Variants in NXPH1 observed in about 807,000 individuals in gnomAD.
NXPH1 encodes neurexophilin-1.
NXPH1 carries 5 observed loss-of-function variants against 23.7 expected under a neutral mutation model. The observed-to-expected ratio is 0.21, with a 90% CI of 0.11 to 0.44. NXPH1 has a LOEUF of 0.44. Among genes scored for constraint, NXPH1 ranks in the 20% least tolerant of loss-of-function variants. NXPH1 has a pLI of 0.99. For missense variants in NXPH1, 324 were observed against 321.6 expected, an observed-to-expected ratio of 1.01 and a Z score of -0.06; for synonymous variants, 144 against 122.2, an observed-to-expected ratio of 1.18 and a Z score of -1.18.
At chr7:8,626,197 A>C (rs1204031541) in intron 2 of NXPH1, among the ~76,000 whole-genome samples, 2 of 152,188 alleles carry the variant, frequency 1.3e-5, no homozygotes, top group Non-Finnish European at 2.9e-5. Context: ...TTCTGAAAAA[A>C]AAAAGAACAT....
chr7:8,608,222 T>A (rs1234112241), intron 2 of NXPH1, among the ~76,000 whole-genome samples: 1 of 152,226 alleles, frequency 6.6e-6, no homozygotes, highest in Admixed American at 6.5e-5. Context: ...CATAATAGAT[T>A]AACTACTTAG....
rs1818861224 is a variant in NXPH1 at position 8,581,136 on chromosome 7, G to C, written c.54+145369G>C. Among the ~76,000 whole-genome samples the C allele has an allele frequency of 2.0e-5, 3 of 152,284 alleles. No individual in the cohort carries two copies. In the South Asian group the frequency reaches 6.2e-4, roughly 32 times the overall value. ...CAGGTTTATTGAAATTTTCCCCAGA[G>C]GGGTTAGGATGGAAGAGAAAGCCAT... On this transcript the variant is annotated intron_variant, in intron 2 of 2. Transcript: ENST00000405863.
chr7:8,522,486 G>A (rs780022464), intron 2 of NXPH1, among the ~76,000 whole-genome samples: 1 of 152,126 alleles, frequency 6.6e-6, no homozygotes, highest in Non-Finnish European at 1.5e-5. Flanking sequence ...TATTGAGTAT[G>A]CATTATTGAT....
intron 2 of NXPH1, among the ~76,000 whole-genome samples, chr7:8,470,856 G>A (rs777255869): frequency 5.9e-5 from 9 of 151,928 alleles, no homozygotes; most frequent in African/African-American, 9.7e-5. Flanking sequence ...ATGGCTCTGC[G>A]ATGATGAAAA....
intron 2 of NXPH1, among the ~76,000 whole-genome samples, chr7:8,504,854 T>C (rs2128613109): frequency 6.6e-6 from 1 of 152,184 alleles, no homozygotes; most frequent in Non-Finnish European, 1.5e-5. Context: ...AGGAAGCAGA[T>C]CCTCACCAGA....
intron 2 of NXPH1, among the ~76,000 whole-genome samples, chr7:8,573,701 G>T (rs985888877): frequency 9.9e-5 from 15 of 152,118 alleles, no homozygotes; most frequent in Non-Finnish European, 2.1e-4. Flanking sequence ...AGAATGCCAT[G>T]ACTTTAGAAC....
intron 2 of NXPH1, among the ~76,000 whole-genome samples, chr7:8,735,106 CT>C (rs1780226116): frequency 6.6e-6 from 1 of 152,170 alleles, no homozygotes; most frequent in African/African-American, 2.4e-5. Context: ...ATTTGACTTC[CT>C]CTCTTCCTAT....
intron 2 of NXPH1, among the ~76,000 whole-genome samples, chr7:8,527,389 T>A (rs1308641737): frequency 6.6e-6 from 1 of 152,176 alleles, no homozygotes; most frequent in African/African-American, 2.4e-5. Context: ...TAAATTGCTT[T>A]CAGAATCTTA....
At chr7:8,635,753 T>C (rs1820209743) in intron 2 of NXPH1, among the ~76,000 whole-genome samples, 1 of 152,226 alleles carries the variant, frequency 6.6e-6, no homozygotes. Context: ...CATTTACGTC[T>C]TTAACCAATG....
At chr7:8,538,886 T>C (rs1454543102) in intron 2 of NXPH1, among the ~76,000 whole-genome samples, 1 of 151,772 alleles carries the variant, frequency 6.6e-6, no homozygotes, top group Non-Finnish European at 1.5e-5. Context: ...TTTAAGAGGG[T>C]GGGCAGGAAA....
At chr7:8,520,028 T>C (rs1584207677) in intron 2 of NXPH1, among the ~76,000 whole-genome samples, 1 of 152,096 alleles carries the variant, frequency 6.6e-6, no homozygotes. Flanking sequence ...ATTATTTATA[T>C]AAAGATGATG....
chr7:8,580,068 C>T (rs544336127), intron 2 of NXPH1, among the ~76,000 whole-genome samples: 1 of 152,324 alleles, frequency 6.6e-6, no homozygotes, highest in African/African-American at 2.4e-5. Context: ...ATAAAATGGG[C>T]AGTGGCTGTT....
rs146976809 is a variant in NXPH1, at chr7:8,457,700, G to A, written c.54+21933G>A. Among the ~76,000 whole-genome samples the A allele has an allele frequency of 8.9e-4, 136 of 152,210 alleles. 3 individuals carry two copies. The East Asian group carries it at 0.023, about 26-fold the overall frequency. On this transcript the variant is annotated intron_variant, in intron 2 of 2. Transcript: ENST00000405863. ...GCATTCTCCTTGACTGGAGTGCTCAGTTCCTGGCTCACCTGAAATATTTGC... is the reference window on the plus strand; with the variant it reads ...GCATTCTCCTTGACTGGAGTGCTCAATTCCTGGCTCACCTGAAATATTTGC...
At chr7:8,613,771 T>C (rs1352187034) in intron 2 of NXPH1, among the ~76,000 whole-genome samples, 1 of 150,524 alleles carries the variant, frequency 6.6e-6, no homozygotes, top group Non-Finnish European at 1.5e-5. Context: ...CTATAGGGAT[T>C]TTATTTTTAA....
chr7:8,737,974 C>G (rs914346243), intron 2 of NXPH1, among the ~76,000 whole-genome samples: 1 of 152,214 alleles, frequency 6.6e-6, no homozygotes, highest in Non-Finnish European at 1.5e-5. Context: ...CTGTGTTTTT[C>G]AGCTCCATCA....
chr7:8,663,412 C>G (rs1380837030), intron 2 of NXPH1, among the ~76,000 whole-genome samples: 1 of 152,022 alleles, frequency 6.6e-6, no homozygotes, highest in Non-Finnish European at 1.5e-5. Flanking sequence ...TGCCTAGCCC[C>G]ATTGTAGATT....
chr7:8,703,176 A>G (rs998917787), intron 2 of NXPH1, among the ~76,000 whole-genome samples: 3 of 152,104 alleles, frequency 2.0e-5, no homozygotes, highest in Admixed American at 6.6e-5. Context: ...AGCTACCAGC[A>G]TCCACAAAGC....
chr7:8,500,370 AGGATGAT>A (rs1817411886), intron 2 of NXPH1, among the ~76,000 whole-genome samples: 1 of 152,072 alleles, frequency 6.6e-6, no homozygotes, highest in Non-Finnish European at 1.5e-5. Context: ...GCAGGATATC[AGGATGAT>A]GAATAGCACA....
chr7:8,744,225 T>A (rs1033645138), intron 2 of NXPH1, among the ~76,000 whole-genome samples: 1 of 152,214 alleles, frequency 6.6e-6, no homozygotes. Flanking sequence ...TGAATGTTTC[T>A]GAAACAATGA....
Sources: allele counts gnomAD v4.1 joint callset (sites outside exome capture counted in the v4.1 genomes callset), GRCh38; gene constraint gnomAD v4.1.1; transcripts MANE v1.5; gene names NCBI Gene and HGNC (gene_info 2026-07-23, HGNC 2026-07-21).